Variants in GALNT1 observed in about 807,000 individuals in gnomAD.
GALNT1 encodes GalNAc transferase 1.
Under a neutral mutation model 65.7 loss-of-function variants are expected in GALNT1, and 17 were observed. The observed-to-expected ratio is 0.26, with a 90% CI of 0.18 to 0.39. GALNT1 has a LOEUF of 0.39. Among genes scored for constraint, GALNT1 ranks in the 10% least tolerant of loss-of-function variants. The pLI is 1.00. For missense variants in GALNT1, 460 were observed against 672.8 expected (o/e 0.68, Z 3.50); for synonymous variants, 210 against 219.7 (o/e 0.96, Z 0.39).
intron 3 of GALNT1, among the ~76,000 whole-genome samples, chr18:35,665,177 G>C (rs2047531849): frequency 6.6e-6 from 1 of 152,110 alleles, no homozygotes; most frequent in Non-Finnish European, 1.5e-5. Flanking sequence ...AAGCAACTTT[G>C]AGGAAACAAA....
intron 3 of GALNT1, among the ~76,000 whole-genome samples, chr18:35,676,148 G>A (rs2047707032): frequency 6.6e-6 from 1 of 152,102 alleles, no homozygotes; most frequent in Admixed American, 6.6e-5. Flanking sequence ...CAGGCTGTGT[G>A]GGCCTTCTTG....
At chr18:35,589,783 T>A (rs1832065529) in intron 1 of GALNT1, among the ~76,000 whole-genome samples, 1 of 152,230 alleles carries the variant, frequency 6.6e-6, no homozygotes, top group African/African-American at 2.4e-5. Context: ...TTTGTAACAT[T>A]TCTTCTTTTC....
chr18:35,589,619 C>T (rs2046419974), intron 1 of GALNT1, among the ~76,000 whole-genome samples: 2 of 152,130 alleles, frequency 1.3e-5, no homozygotes, highest in South Asian at 4.1e-4. Context: ...TTCCTTGCAG[C>T]CTGAGGTCCC....
intron 11 of GALNT1, among the ~76,000 whole-genome samples, chr18:35,707,875 G>T (rs2048290203): frequency 1.3e-5 from 2 of 152,228 alleles, no homozygotes; most frequent in Admixed American, 1.3e-4. Flanking sequence ...TGTGCACGCT[G>T]AGCCGCAGCG....
chr18:35,635,573 C>T (rs2047078183), intron 1 of GALNT1, among the ~76,000 whole-genome samples: 2 of 152,128 alleles, frequency 1.3e-5, no homozygotes, highest in Admixed American at 6.5e-5. Flanking sequence ...GTAAAACGGA[C>T]CTGCTGTGTT....
intron 1 of GALNT1, among the ~76,000 whole-genome samples, chr18:35,650,738 C>CT (rs2047300800): frequency 6.6e-6 from 1 of 152,188 alleles, no homozygotes; most frequent in South Asian, 2.1e-4. Flanking sequence ...GGCAGCCAGA[C>CT]TTTAAGGTTA....
intron 1 of GALNT1, chr18:35,591,625 G>T (rs940492953): frequency 6.5e-6 from 1 of 154,126 alleles, no homozygotes. Context: ...ATTGAGAGGG[G>T]CTTTGAATAC....
At chr18:35,698,231 G>A (rs546383413) in intron 9 of GALNT1, among the ~76,000 whole-genome samples, 104 of 152,320 alleles carry the variant, frequency 6.8e-4, no homozygotes, top group Admixed American at 2.4e-3. Flanking sequence ...ACTTTGGGAA[G>A]CCGAGGTGGG....
intron 1 of GALNT1, among the ~76,000 whole-genome samples, chr18:35,589,336 G>A (rs1365899529): frequency 6.6e-6 from 1 of 152,146 alleles, no homozygotes; most frequent in African/African-American, 2.4e-5. Context: ...TTATAACCCG[G>A]GGAGTACGTG....
At chr18:35,691,997 C>G (rs1029949048) in intron 8 of GALNT1, among the ~76,000 whole-genome samples, 184 bp from the exon 9 acceptor site, 1 of 152,108 alleles carries the variant, frequency 6.6e-6, no homozygotes, top group Non-Finnish European at 1.5e-5. Flanking sequence ...AAAATTAAAA[C>G]ACATTTTAAT....
intron 2 of GALNT1, among the ~76,000 whole-genome samples, chr18:35,660,702 T>G (rs1046335731): frequency 6.6e-6 from 1 of 152,236 alleles, no homozygotes; most frequent in African/African-American, 2.4e-5. Context: ...TCTAATGCTA[T>G]AAATGCATTA....
chr18:35,702,655 TG>T (rs145116476), intron 9 of GALNT1: 3,363 of 288,906 alleles, frequency 0.012, 118 homozygotes, highest in African/African-American at 0.066. Context: ...AGGAATAACT[TG>T]AAAAAAATGA....
Position 35,692,227 on chromosome 18 carries a change from A to T in GALNT1, c.1206A>T (p.Leu402=). The T allele has an allele frequency of 6.2e-7, 1 of 1,610,924 alleles. No homozygotes were observed. The highest frequency in any genetic ancestry group is 1.3e-5 in the African/African-American group (1 of 74,926). Residue 402 remains leucine, a synonymous_variant, in exon 9 of 12, where the codon CTA becomes CTT. Transcript: ENST00000269195. ...DYGDISSRVG[L]RHKLQCKPFS... is the part of the protein sequence containing the mutation. ...GAGATATATCGTCAAGAGTTGGTCTAAGACACAAACTACAATGCAAACCTT... is the reference window on the plus strand; with the variant it reads ...GAGATATATCGTCAAGAGTTGGTCTTAGACACAAACTACAATGCAAACCTT...
chr18:35,707,319 A>G (rs1444655304), intron 11 of GALNT1, among the ~76,000 whole-genome samples: 3 of 152,172 alleles, frequency 2.0e-5, no homozygotes, highest in African/African-American at 7.2e-5. Context: ...CCTCTCCTTC[A>G]AAGGTTACGG....
chr18:35,604,080 C>A (rs2046615319), intron 1 of GALNT1, among the ~76,000 whole-genome samples: 1 of 152,062 alleles, frequency 6.6e-6, no homozygotes, highest in South Asian at 2.1e-4. Flanking sequence ...CCTCCTCCCA[C>A]CCTTCACCCT....
At chr18:35,700,505 G>A (rs1259044451) in intron 9 of GALNT1, among the ~76,000 whole-genome samples, 1 of 152,158 alleles carries the variant, frequency 6.6e-6, no homozygotes, top group Admixed American at 6.5e-5. Flanking sequence ...AACAGCTAAT[G>A]GGAAGCAGTG....
At chr18:35,671,856 A>G (rs2047641478) in intron 3 of GALNT1, among the ~76,000 whole-genome samples, 1 of 152,190 alleles carries the variant, frequency 6.6e-6, no homozygotes, top group African/African-American at 2.4e-5. Flanking sequence ...GAGCACTGAT[A>G]TTATTCTTCA....
chr18:35,665,184 C>G (rs2047531922), intron 3 of GALNT1, among the ~76,000 whole-genome samples: 1 of 151,984 alleles, frequency 6.6e-6, no homozygotes, highest in Non-Finnish European at 1.5e-5. Flanking sequence ...TTTGAGGAAA[C>G]AAAAACTATT....
intron 1 of GALNT1, among the ~76,000 whole-genome samples, chr18:35,621,580 C>T (rs186418030): frequency 5.6e-4 from 85 of 152,140 alleles, no homozygotes; most frequent in Non-Finnish European, 1.0e-3. Flanking sequence ...TATTTCTTCC[C>T]GGACTTTCGC....
Sources: gnomAD v4.1 joint callset for allele counts (sites outside exome capture counted in the v4.1 genomes callset) on GRCh38, gnomAD v4.1.1 for gene constraint, MANE v1.5 for transcripts, NCBI Gene and HGNC (gene_info 2026-07-23, HGNC 2026-07-21) for gene names.